SLC24A2: variants seen among roughly 807,000 people sequenced by gnomAD.
The protein encoded by SLC24A2 is solute carrier family 24 member 2, also known as sodium/potassium/calcium exchanger 2.
Under a neutral mutation model 62.0 loss-of-function variants are expected in SLC24A2, and 36 were observed. The observed-to-expected ratio is 0.58, with a 90% CI of 0.44 to 0.77. The LOEUF is 0.77. Ranked by LOEUF, SLC24A2 falls within the 30% of genes least tolerant of loss-of-function variation. The probability of loss-of-function intolerance (pLI) is 0.00; values close to 1 mark genes in which losing one functional copy is unlikely to be tolerated. For synonymous variants in SLC24A2, 358 were observed against 294.0 expected (o/e 1.22, Z -2.23); for missense variants, 846 against 817.9 (o/e 1.03, Z -0.42).
the SLC24A2 span, among the ~76,000 whole-genome samples, chr9:20,210,858 G>A: frequency 2.0e-5 from 3 of 151,434 alleles, no homozygotes; most frequent in African/African-American, 7.3e-5. Flanking sequence ...TGTAAGCAAG[G>A]AGAGGGGAGA....
intron 2 of SLC24A2, among the ~76,000 whole-genome samples, chr9:19,640,904 G>T (rs542761068): frequency 8.5e-5 from 13 of 152,148 alleles, no homozygotes; most frequent in Admixed American, 8.5e-4. Flanking sequence ...CCTAATTCCA[G>T]CCCTGGGTGT....
Position 19,550,706 on chromosome 9 carries a change from CT to C in SLC24A2, c.1348-439del, listed in dbSNP as rs10630327. Among the ~76,000 whole-genome samples, 287 of 145,108 alleles carry C rather than the reference CT, an allele frequency of 2.0e-3. 1 individual carries two copies. Among genetic ancestry groups the C allele is most frequent in the Middle Eastern group, 0.018 (5 of 278 alleles). On this transcript the variant is annotated intron_variant, in intron 7 of 10. Coordinates refer to ENST00000341998, the MANE Select transcript of SLC24A2 (RefSeq NM_020344.4). ...ACTGATAAAAAATATTTCTTTTTCT[CT>C]TTTTTTTTTTTTGGAACACTGATTT...
At chr9:19,607,090 T>C (rs1261378531) in intron 4 of SLC24A2, among the ~76,000 whole-genome samples, 1 of 152,218 alleles carries the variant, frequency 6.6e-6, no homozygotes, top group East Asian at 1.9e-4. Context: ...CAGAGGTGTC[T>C]TTAGTGTAAA....
At chr9:19,734,216 G>C (rs1334980415) in intron 2 of SLC24A2, among the ~76,000 whole-genome samples, 1 of 152,102 alleles carries the variant, frequency 6.6e-6, no homozygotes, top group Non-Finnish European at 1.5e-5. Context: ...CATTATTTCT[G>C]ATGGCTCTGT....
At position 19,786,074 on chromosome 9, in the gene SLC24A2, CCCA is replaced by C; in HGVS notation, c.790_792del (p.Trp264del). ...TAAGCTGTTAAGAGAAGCAAGCTTT[CCCA>C]CCACATGATGACATTATCCAGGAAA... On this transcript the variant is annotated inframe_deletion, in exon 2 of 11. Transcript: ENST00000341998. The surrounding 1 kb of genome is among the most constrained non-coding windows in gnomAD (Gnocchi z 5.0). 6.2e-7 allele frequency: 1 copy of C among 1,614,196 alleles called. No homozygotes were observed. Among genetic ancestry groups the C allele is most frequent in the Non-Finnish European group, 8.5e-7 (1 of 1,180,040 alleles).
At chr9:19,934,152 T>C in the SLC24A2 span, among the ~76,000 whole-genome samples, 1 of 152,186 alleles carries the variant, frequency 6.6e-6, no homozygotes, top group African/African-American at 2.4e-5. The surrounding 1 kb of genome is among the most constrained non-coding windows in gnomAD (Gnocchi z 4.1). Flanking sequence ...TAAAACAGAT[T>C]TTCAGAGCAA....
At chr9:20,292,541 G>T in the SLC24A2 span, among the ~76,000 whole-genome samples, 1 of 152,140 alleles carries the variant, frequency 6.6e-6, no homozygotes, top group African/African-American at 2.4e-5. Flanking sequence ...TGGGGCTGCT[G>T]TAACAAAGTA....
the SLC24A2 span, among the ~76,000 whole-genome samples, chr9:19,886,968 C>T: frequency 1.3e-5 from 2 of 152,128 alleles, no homozygotes; most frequent in South Asian, 2.1e-4. Context: ...AACAAAACAC[C>T]ACATGTTCTC....
the SLC24A2 span, among the ~76,000 whole-genome samples, chr9:19,939,387 G>T: frequency 3.9e-5 from 6 of 152,198 alleles, no homozygotes; most frequent in Non-Finnish European, 7.3e-5. Context: ...GTTACTGTAG[G>T]AATACTGTAG....
Position 19,542,864 on chromosome 9 carries a change from C to T in SLC24A2, c.1479+7273G>A, listed in dbSNP as rs187637492. Among the ~76,000 whole-genome samples the T allele has an allele frequency of 1.5e-3, 233 of 152,244 alleles. 1 individual carries two copies. The highest frequency in any genetic ancestry group is 4.8e-3 in the African/African-American group (199 of 41,538). On this transcript the variant is annotated intron_variant, in intron 8 of 10. Transcript: ENST00000341998. ...AGTATTTTATTGGGGATTTTCGCAT[C>T]GATGTTCATCAGGGATACTGGCCTG...
intron 7 of SLC24A2, among the ~76,000 whole-genome samples, chr9:19,567,887 G>T (rs1332997737): frequency 6.6e-6 from 1 of 152,158 alleles, no homozygotes; most frequent in Admixed American, 6.5e-5. Context: ...TCCTCTGTGA[G>T]AGTATTTTAA....
At chr9:19,958,529 C>T in the SLC24A2 span, among the ~76,000 whole-genome samples, 12 of 152,172 alleles carry the variant, frequency 7.9e-5, no homozygotes, top group African/African-American at 2.4e-4. Flanking sequence ...GTCTGAACCT[C>T]GGGTGCAGAT....
rs970798035 is a variant in SLC24A2 at position 19,514,781 on chromosome 9, C to T, written c.*1372G>A. 1 of 152,154 alleles carries T rather than the reference C, an allele frequency of 6.6e-6. No individual in the cohort carries two copies. The allele number at this position is 152,154 out of a possible 1,614,324, so 9.4% of individuals were successfully genotyped here. A position where few individuals can be genotyped will look rare whatever the true frequency, so the allele number is the denominator to read the frequency against. ...ATGTTACAAGAACTTTAACCAAAGC[C>T]TGGTCCTGGTACCACTCGACCTGGC... is the stretch of plus-strand genomic sequence containing the variant. On this transcript the variant is annotated 3_prime_UTR_variant, in exon 11 of 11. Coordinates refer to ENST00000341998, the MANE Select transcript of SLC24A2 (RefSeq NM_020344.4).
At chr9:20,252,082 T>G in the SLC24A2 span, among the ~76,000 whole-genome samples, 2 of 152,132 alleles carry the variant, frequency 1.3e-5, no homozygotes, top group African/African-American at 4.8e-5. Flanking sequence ...ATTATTTCAG[T>G]TGGAACAGAT....
At chr9:19,871,096 A>G in the SLC24A2 span, among the ~76,000 whole-genome samples, 2 of 151,986 alleles carry the variant, frequency 1.3e-5, no homozygotes, top group Non-Finnish European at 2.9e-5. Flanking sequence ...TGTTTTTTCC[A>G]AAGAGTTTTA....
chr9:19,815,943 C>T, the SLC24A2 span, among the ~76,000 whole-genome samples: 1 of 141,748 alleles, frequency 7.1e-6, no homozygotes, highest in Non-Finnish European at 1.5e-5. Context: ...TGTGATTATC[C>T]ATGTATTTTT....
the SLC24A2 span, among the ~76,000 whole-genome samples, chr9:19,815,184 T>C: frequency 6.6e-6 from 1 of 152,166 alleles, no homozygotes; most frequent in African/African-American, 2.4e-5. Context: ...GCTCTCTTGG[T>C]ACCCAATTCA....
the SLC24A2 span, among the ~76,000 whole-genome samples, chr9:19,814,470 C>T: frequency 6.6e-6 from 1 of 152,172 alleles, no homozygotes; most frequent in Non-Finnish European, 1.5e-5. Flanking sequence ...TCATCCAACT[C>T]TCTATGTTCA....
chr9:19,786,879 G>T lies in SLC24A2; in HGVS notation c.-13C>A. 2 of 1,604,920 alleles carry T rather than the reference G, an allele frequency of 1.2e-6. No individual in the cohort carries two copies. Among genetic ancestry groups the T allele is most frequent in the Non-Finnish European group, 1.7e-6 (2 of 1,179,802 alleles). On this transcript the variant is annotated 5_prime_UTR_variant, in exon 2 of 11. Coordinates refer to ENST00000341998, the MANE Select transcript of SLC24A2 (RefSeq NM_020344.4). The surrounding 1 kb of genome is among the most constrained non-coding windows in gnomAD (Gnocchi z 5.0). Reference sequence around the variant, plus strand: ...GTTGCAGATCCATCCTGGGTCTTCTGGTGGATATGGTGATCTTCCAACTTT... The same window carrying T: ...GTTGCAGATCCATCCTGGGTCTTCTTGTGGATATGGTGATCTTCCAACTTT...
Sources: gnomAD v4.1 joint callset for allele counts (sites outside exome capture counted in the v4.1 genomes callset) on GRCh38, gnomAD v4.1.1 for gene constraint, Gnocchi (gnomAD v3.1) non-coding constraint, MANE v1.5 for transcripts, NCBI Gene and HGNC (gene_info 2026-07-23, HGNC 2026-07-21) for gene names.